Variants in PICALM observed in about 807,000 individuals in gnomAD.
The protein encoded by PICALM is phosphatidylinositol-binding clathrin assembly protein.
In PICALM, 40 loss-of-function variants were observed where a neutral mutation model predicts 80.5. The observed-to-expected ratio is 0.50, with a 90% CI of 0.39 to 0.65. The LOEUF is 0.65. Ranked by LOEUF, PICALM falls within the 30% of genes least tolerant of loss-of-function variation. PICALM has a pLI of 0.00. For missense variants in PICALM, 676 were observed against 778.9 expected, an observed-to-expected ratio of 0.87 and a Z score of 1.57; for synonymous variants, 288 against 260.3, an observed-to-expected ratio of 1.11 and a Z score of -1.02.
intron 18 of PICALM, among the ~76,000 whole-genome samples, 166 bp from the exon 19 acceptor site, chr11:85,974,978 ATTTT>A (rs35574680): frequency 6.6e-6 from 1 of 151,524 alleles, no homozygotes; most frequent in Non-Finnish European, 1.5e-5. Context: ...TTTCGAGAGT[ATTTT>A]TTTTTCTTTT....
At chr11:86,060,062 A>G (rs1017726814) in intron 1 of PICALM, among the ~76,000 whole-genome samples, 2 of 152,164 alleles carry the variant, frequency 1.3e-5, no homozygotes, top group East Asian at 3.8e-4. Flanking sequence ...ATGATACCAC[A>G]TCTCTTGCTT....
intron 19 of PICALM, 178 bp downstream of exon 19, chr11:85,974,530 C>T: frequency 1.4e-6 from 1 of 711,734 alleles, no homozygotes; most frequent in South Asian, 1.4e-5. Flanking sequence ...TTATCCTTTC[C>T]CTCCAAATAA....
chr11:86,048,015 C>A (rs1046907401), intron 1 of PICALM, among the ~76,000 whole-genome samples: 5 of 152,028 alleles, frequency 3.3e-5, no homozygotes, highest in African/African-American at 1.2e-4. Flanking sequence ...GCAGGAGAAT[C>A]TCCTGAACTC....
intron 1 of PICALM, among the ~76,000 whole-genome samples, chr11:86,054,698 T>C (rs1215827347): frequency 6.6e-6 from 1 of 152,234 alleles, no homozygotes; most frequent in Non-Finnish European, 1.5e-5. Flanking sequence ...TTTACCTTAA[T>C]GTATTATAAT....
In PICALM at chr11:85,958,138, A is replaced by G. The variant is rs2093578997; in HGVS notation, c.*908T>C. 4.4e-6 allele frequency: 1 copy of G among 225,550 alleles called. No homozygotes were observed. Among genetic ancestry groups the G allele is most frequent in the Non-Finnish European group, 8.9e-6 (1 of 112,936 alleles). The allele number at this position is 225,550 out of a possible 1,614,324, so 14.0% of individuals were successfully genotyped here. A position where few individuals can be genotyped will look rare whatever the true frequency, so the allele number is the denominator to read the frequency against. On this transcript the variant is annotated 3_prime_UTR_variant, in exon 20 of 20. Coordinates refer to ENST00000393346, the MANE Select transcript of PICALM (RefSeq NM_007166.4). ...AGGCCCTAATGTCAAATGGAAAATA[A>G]TGACATGCCAAGCACAAAGCAGTAA...
At chr11:86,003,552 GTTC>G in intron 8 of PICALM, 101 bp from the exon 9 acceptor site, 2 of 596,352 alleles carry the variant, frequency 3.4e-6, no homozygotes, top group Non-Finnish European at 2.8e-6. Flanking sequence ...AAACAGGTAT[GTTC>G]TTCATGTACT....
rs943976614 is a variant in PICALM, at chr11:86,018,845, C to T, written c.452+3522G>A. Among the ~76,000 whole-genome samples, 5 of 150,910 alleles carry T rather than the reference C, an allele frequency of 3.3e-5. No individual in the cohort carries two copies. The South Asian group carries it at 6.3e-4, about 19-fold the overall frequency. Reference sequence around the variant, plus strand: ...TGGAGGTTGCAGTGAGCCAAGAGCACGCCACTGCACCCCAGCCTGGGTGAT... The same window carrying T: ...TGGAGGTTGCAGTGAGCCAAGAGCATGCCACTGCACCCCAGCCTGGGTGAT... On this transcript the variant is annotated intron_variant, in intron 4 of 19. Transcript: ENST00000393346.
intron 9 of PICALM, among the ~76,000 whole-genome samples, chr11:86,003,112 A>C (rs914800115): frequency 6.6e-6 from 1 of 152,218 alleles, no homozygotes; most frequent in African/African-American, 2.4e-5. Context: ...ACACAATTCT[A>C]AACTATGCAG....
intron 1 of PICALM, among the ~76,000 whole-genome samples, chr11:86,034,521 G>C (rs1488919447): frequency 1.3e-5 from 2 of 152,024 alleles, no homozygotes; most frequent in African/African-American, 2.4e-5. Context: ...AAACTGTAAC[G>C]ATTTCCCTTG....
chr11:86,056,974 G>C (rs932428345), intron 1 of PICALM, among the ~76,000 whole-genome samples: 1 of 152,126 alleles, frequency 6.6e-6, no homozygotes, highest in Admixed American at 6.5e-5. Context: ...AAAATTCATA[G>C]ATAGAAAGTG....
chr11:85,987,668 T>C (rs76459968), intron 13 of PICALM, among the ~76,000 whole-genome samples: 243 of 152,358 alleles, frequency 1.6e-3, no homozygotes, highest in African/African-American at 5.5e-3. Flanking sequence ...GATAGGGTCT[T>C]GCATGTTGCC....
intron 1 of PICALM, among the ~76,000 whole-genome samples, chr11:86,048,825 G>A (rs1018442238): frequency 7.2e-5 from 8 of 110,596 alleles, no homozygotes; most frequent in Non-Finnish European, 1.4e-4. Context: ...GAGTAAGAGT[G>A]AAACTCCGTC....
At chr11:86,056,705 C>T (rs1302681372) in intron 1 of PICALM, among the ~76,000 whole-genome samples, 3 of 152,044 alleles carry the variant, frequency 2.0e-5, no homozygotes, top group East Asian at 1.9e-4. Context: ...TATGTTCACA[C>T]GAAAACTTGT....
rs11234524 is a variant in PICALM, at chr11:86,042,710, T to C, written c.131-11099A>G. Among the ~76,000 whole-genome samples, 674 of 151,088 alleles carry C rather than the reference T, an allele frequency of 4.5e-3. 26 individuals are homozygous for C. In the East Asian group the frequency reaches 0.11, roughly 24 times the overall value. On this transcript the variant is annotated intron_variant, in intron 1 of 19. Transcript: ENST00000393346. ...GGATCAGAAAAATACAGAAACCTCA[T>C]TTCCTAAGCAAAATGAAAGTCAACT...
At chr11:85,959,905 G>A (rs955868603) in intron 19 of PICALM, among the ~76,000 whole-genome samples, 10 of 151,968 alleles carry the variant, frequency 6.6e-5, no homozygotes, top group African/African-American at 2.4e-4. Flanking sequence ...TAAAAATAGA[G>A]GAATAGCATG....
Position 86,068,874 on chromosome 11 carries a change from T to G in PICALM, c.-94A>C. On this transcript the variant is annotated 5_prime_UTR_variant, in exon 1 of 20. Transcript: ENST00000393346. The stretch of plus-strand genomic sequence containing the variant: ...GGTCCCCACCCCCCACCGCACCCCC[T>G]ACCCCCACCGGCTCCTTCCCCGCCT... 2.2e-6 allele frequency: 3 copies of G among 1,341,524 alleles called. No homozygotes were observed. Among genetic ancestry groups the G allele is most frequent in the Non-Finnish European group, 2.9e-6 (3 of 1,033,210 alleles). 83.1% of individuals were successfully genotyped at this position (1,341,524 alleles called of 1,614,324 possible). A position where few individuals can be genotyped will look rare whatever the true frequency, so the allele number is the denominator to read the frequency against.
rs1222124834 is a variant in PICALM, at chr11:85,981,990, T to C, written c.1530A>G (p.Leu510=). The change falls in exon 15 of 20, where the codon CTA becomes CTG. Residue 510 remains leucine (L), a synonymous_variant. Coordinates refer to ENST00000393346, the MANE Select transcript of PICALM (RefSeq NM_007166.4). The stretch of plus-strand genomic sequence containing the variant: ...CCACTGTTGGTTTGAGAAGTCCACC[T>C]AGTTCATCAAAGCCTTAAAGTTACA... ...VIVDSGGFDE[L]GGLLKPTVAS... 6.2e-7 allele frequency: 1 copy of C among 1,613,366 alleles called. No individual in the cohort carries two copies. The highest frequency in any genetic ancestry group is 1.1e-5 in the South Asian group (1 of 91,062).
chr11:86,050,665 C>G (rs2096170573), intron 1 of PICALM, among the ~76,000 whole-genome samples: 1 of 152,118 alleles, frequency 6.6e-6, no homozygotes, highest in Admixed American at 6.5e-5. Flanking sequence ...CAATTCATCA[C>G]TTAATAATTT....
chr11:85,998,273 G>A (rs980832348), intron 11 of PICALM, among the ~76,000 whole-genome samples: 2 of 151,288 alleles, frequency 1.3e-5, no homozygotes, highest in East Asian at 2.0e-4. Context: ...CACCACGCCC[G>A]GCTAATTTTT....
Sources: allele counts gnomAD v4.1 joint callset (sites outside exome capture counted in the v4.1 genomes callset), GRCh38; gene constraint gnomAD v4.1.1; transcripts MANE v1.5; gene names NCBI Gene and HGNC (gene_info 2026-07-23, HGNC 2026-07-21).